Variants in PRKAG2 observed in about 807,000 individuals in gnomAD.
PRKAG2 encodes 5'-AMP-activated protein kinase subunit gamma-2.
PRKAG2 carries 26 observed loss-of-function variants against 69.6 expected under a neutral mutation model. That is an observed-to-expected ratio of 0.37 (90% CI 0.27 to 0.52). The LOEUF (loss-of-function observed/expected upper bound fraction) is 0.52, where lower values mean the gene tolerates loss of function less well. Among genes scored for constraint, PRKAG2 ranks in the 20% least tolerant of loss-of-function variants. The pLI, the probability that PRKAG2 is intolerant of heterozygous loss-of-function variation, is 0.90. For missense variants in PRKAG2, 557 were observed against 740.0 expected, an observed-to-expected ratio of 0.75 and a Z score of 2.87; for synonymous variants, 293 against 285.0, an observed-to-expected ratio of 1.03 and a Z score of -0.28.
chr7:151,837,974 G>A (rs2079184012), intron 1 of PRKAG2, among the ~76,000 whole-genome samples: 1 of 151,836 alleles, frequency 6.6e-6, no homozygotes. Context: ...GGGCCTTGGA[G>A]ACACGCACAG....
intron 3 of PRKAG2, among the ~76,000 whole-genome samples, chr7:151,704,696 T>C (rs11978201): frequency 0.017 from 2,619 of 152,306 alleles, 82 homozygotes; most frequent in African/African-American, 0.059. Flanking sequence ...GTCTGAGCAT[T>C]TGTGGAACAC....
Position 151,876,840 on chromosome 7 carries a change from A to G in PRKAG2, c.-220T>C, listed in dbSNP as rs2080417462. Reference sequence around the variant, plus strand: ...GCGTCCTTTCCTACGGAACCCTCGTAGGCAAATCAGTCAAAGCCCGTCCCG... The same window carrying G: ...GCGTCCTTTCCTACGGAACCCTCGTGGGCAAATCAGTCAAAGCCCGTCCCG... On this transcript the variant is annotated 5_prime_UTR_variant, in exon 1 of 16. Transcript: ENST00000287878. 5.0e-6 allele frequency: 3 copies of G among 605,082 alleles called. No individual in the cohort carries two copies. Among genetic ancestry groups the G allele is most frequent in the Admixed American group, 5.5e-5 (2 of 36,578 alleles). The allele number at this position is 605,082 out of a possible 1,614,324, so 37.5% of individuals were successfully genotyped here.
In PRKAG2 at chr7:151,814,805, C is replaced by T. The variant is rs1033816814; in HGVS notation, c.115-28264G>A. On this transcript the variant is annotated intron_variant, in intron 1 of 15. Transcript: ENST00000287878. The surrounding 1 kb of genome is among the most constrained non-coding windows in gnomAD (Gnocchi z 4.8). ...AATGCAGGCAGAGCTCGGGCAGATT[C>T]CCCCATTGACGGGACTGCAGCAAAC... 4.5e-5 allele frequency: 55 copies of T among 1,231,696 alleles called. No homozygotes were observed. Among genetic ancestry groups the T allele is most frequent in the Non-Finnish European group, 5.5e-5 (54 of 988,018 alleles). 76.3% of individuals were successfully genotyped at this position (1,231,696 alleles called of 1,614,324 possible).
intron 4 of PRKAG2, chr7:151,633,293 T>C (rs1825137250): frequency 6.6e-6 from 1 of 152,242 alleles, no homozygotes; most frequent in Non-Finnish European, 1.5e-5. Context: ...GGTAAAAAGC[T>C]ACAGCAGATA....
At chr7:151,710,099 C>T (rs1417148193) in intron 3 of PRKAG2, among the ~76,000 whole-genome samples, 1 of 152,164 alleles carries the variant, frequency 6.6e-6, no homozygotes, top group African/African-American at 2.4e-5. Context: ...AGTTCCAAGT[C>T]GGAGCAGCCA....
intron 3 of PRKAG2, among the ~76,000 whole-genome samples, chr7:151,743,323 T>C (rs2074033646): frequency 6.6e-6 from 1 of 152,142 alleles, no homozygotes; most frequent in African/African-American, 2.4e-5. Flanking sequence ...GTAATTCGGG[T>C]GGCAGATGCC....
chr7:151,774,169 G>A (rs990255743), intron 3 of PRKAG2, among the ~76,000 whole-genome samples: 23 of 152,118 alleles, frequency 1.5e-4, no homozygotes, highest in African/African-American at 5.3e-4. Context: ...TGATGAGAAC[G>A]CCAGCCACAC....
intron 3 of PRKAG2, among the ~76,000 whole-genome samples, chr7:151,759,950 C>T (rs1445500208): frequency 6.6e-6 from 1 of 152,260 alleles, no homozygotes; most frequent in Non-Finnish European, 1.5e-5. Context: ...ATTCTTCCTT[C>T]TAGTACGGGC....
At chr7:151,707,324 C>G (rs866985312) in intron 3 of PRKAG2, among the ~76,000 whole-genome samples, 1 of 152,182 alleles carries the variant, frequency 6.6e-6, no homozygotes, top group South Asian at 2.1e-4. Context: ...ATAAGGCAGT[C>G]CCCAGAATGG....
chr7:151,830,877 C>T (rs539872807), intron 1 of PRKAG2, among the ~76,000 whole-genome samples: 2 of 151,948 alleles, frequency 1.3e-5, no homozygotes, highest in South Asian at 2.1e-4. Context: ...GGAGTGACTT[C>T]GAGTCATCCA....
intron 8 of PRKAG2, 53 bp downstream of exon 8, chr7:151,574,838 A>AT: frequency 6.2e-7 from 1 of 1,612,376 alleles, no homozygotes; most frequent in Non-Finnish European, 8.5e-7. Flanking sequence ...ACCTACACAC[A>AT]TACATAGATA....
intron 6 of PRKAG2, among the ~76,000 whole-genome samples, chr7:151,582,162 G>C (rs969727856): frequency 2.0e-5 from 3 of 152,070 alleles, no homozygotes; most frequent in Admixed American, 6.6e-5. Context: ...ATGTATGTAC[G>C]TATGAATGAC....
chr7:151,785,646 G>C (rs1416678727), intron 2 of PRKAG2, among the ~76,000 whole-genome samples: 2 of 152,226 alleles, frequency 1.3e-5, no homozygotes, highest in African/African-American at 4.8e-5. Context: ...CCCAGACCCT[G>C]TACGTAGCCC....
intron 3 of PRKAG2, among the ~76,000 whole-genome samples, chr7:151,692,705 A>C (rs1835874539): frequency 6.6e-6 from 1 of 152,124 alleles, no homozygotes; most frequent in Admixed American, 6.5e-5. Context: ...TGGGCCTTGA[A>C]GGAGGGACAG....
chr7:151,794,955 A>G (rs1441827596), intron 1 of PRKAG2, among the ~76,000 whole-genome samples: 2 of 152,158 alleles, frequency 1.3e-5, no homozygotes, highest in Non-Finnish European at 2.9e-5. Flanking sequence ...TGCAGGGGCC[A>G]ACAGTGCCTC....
rs532335940 is a variant in PRKAG2, at chr7:151,836,903, C to G, written c.114+39604G>C. ...AGCAGAACAGAGTGAGCACTCCAGA[C>G]GCGAAAGGGCCCGGCCCAGCCAGCT... On this transcript the variant is annotated intron_variant, in intron 1 of 15. Coordinates refer to ENST00000287878, the MANE Select transcript of PRKAG2 (RefSeq NM_016203.4). This position sits in a 1 kb window ranked among gnomAD's most constrained non-coding sequence, Gnocchi z 4.1. Among the ~76,000 whole-genome samples, 1 of 152,312 alleles carries G rather than the reference C, an allele frequency of 6.6e-6. No homozygotes were observed. Among genetic ancestry groups the G allele is most frequent in the African/African-American group, 2.4e-5 (1 of 41,558 alleles).
chr7:151,634,957 CT>C (rs762529315), intron 4 of PRKAG2, among the ~76,000 whole-genome samples: 18,735 of 97,698 alleles, frequency 0.19, 1,305 homozygotes, highest in African/African-American at 0.25. Context: ...TTTTTTTTTT[CT>C]TTTTTTTTTG....
intron 4 of PRKAG2, among the ~76,000 whole-genome samples, chr7:151,659,316 G>GA (rs1275309811): frequency 6.6e-6 from 1 of 152,150 alleles, no homozygotes; most frequent in Non-Finnish European, 1.5e-5. Context: ...CTGTTTCTCA[G>GA]AAAAATAGAA....
intron 3 of PRKAG2, among the ~76,000 whole-genome samples, chr7:151,731,535 T>TGTGTGTGTGTGTGTGC (rs10689682): frequency 3.3e-5 from 5 of 151,582 alleles, no homozygotes; most frequent in African/African-American, 7.3e-5. Flanking sequence ...TGTGTGTGTG[T>TGTGTGTGTGTGTGTGC]GCGCACAGGT....
Sources: gnomAD v4.1 joint callset for allele counts (sites outside exome capture counted in the v4.1 genomes callset) on GRCh38, gnomAD v4.1.1 for gene constraint, Gnocchi (gnomAD v3.1) non-coding constraint, MANE v1.5 for transcripts, NCBI Gene and HGNC (gene_info 2026-07-23, HGNC 2026-07-21) for gene names.